NXPH2: variants seen among roughly 807,000 people sequenced by gnomAD.
NXPH2 encodes the protein neurexophilin 2.
Under a neutral mutation model 19.8 loss-of-function variants are expected in NXPH2, and 5 were observed. The observed-to-expected ratio is 0.25, with a 90% CI of 0.13 to 0.53. The LOEUF is 0.53. NXPH2 is among the 20% of genes least tolerant of loss of function. NXPH2 has a pLI of 0.96. For missense variants in NXPH2, 289 were observed against 322.8 expected, an observed-to-expected ratio of 0.90 and a Z score of 0.80; for synonymous variants, 154 against 127.4, an observed-to-expected ratio of 1.21 and a Z score of -1.41.
At chr2:138,733,135 T>G (rs919066174) in intron 1 of NXPH2, among the ~76,000 whole-genome samples, 2 of 151,448 alleles carry the variant, frequency 1.3e-5, no homozygotes, top group South Asian at 4.2e-4. Flanking sequence ...TTCTTGTACA[T>G]CCATCCCATA....
chr2:138,738,987 G>A (rs1354005894), intron 1 of NXPH2, among the ~76,000 whole-genome samples: 10 of 152,218 alleles, frequency 6.6e-5, no homozygotes, highest in East Asian at 1.9e-4. Flanking sequence ...AATAATTAAC[G>A]AAGTCCTGGG....
At chr2:138,760,199 T>C (rs571319249) in intron 1 of NXPH2, among the ~76,000 whole-genome samples, 1 of 152,152 alleles carries the variant, frequency 6.6e-6, no homozygotes, top group Non-Finnish European at 1.5e-5. Flanking sequence ...CAAATGTCCA[T>C]ATATACAGGG....
At chr2:138,730,222 T>A (rs1259596540) in intron 1 of NXPH2, among the ~76,000 whole-genome samples, 1 of 151,672 alleles carries the variant, frequency 6.6e-6, no homozygotes, top group Non-Finnish European at 1.5e-5. Flanking sequence ...AGAGACAAAG[T>A]TTTCCTCTGT....
At chr2:138,742,678 A>G (rs1208451951) in intron 1 of NXPH2, among the ~76,000 whole-genome samples, 1 of 152,224 alleles carries the variant, frequency 6.6e-6, no homozygotes, top group Non-Finnish European at 1.5e-5. Context: ...ATCCATTCCT[A>G]GCAAGCAGGC....
intron 1 of NXPH2, among the ~76,000 whole-genome samples, chr2:138,732,326 TG>T (rs1186128840): frequency 6.6e-6 from 1 of 152,188 alleles, no homozygotes; most frequent in Non-Finnish European, 1.5e-5. Context: ...GAAGCTCTCC[TG>T]GTAACTGGTC....
At chr2:138,741,177 G>T (rs995201015) in intron 1 of NXPH2, among the ~76,000 whole-genome samples, 1 of 152,146 alleles carries the variant, frequency 6.6e-6, no homozygotes, top group Non-Finnish European at 1.5e-5. Flanking sequence ...GATTCTCTAC[G>T]AATGCTGTTG....
chr2:138,714,776 G>A (rs1247300224), intron 1 of NXPH2, among the ~76,000 whole-genome samples: 1 of 152,142 alleles, frequency 6.6e-6, no homozygotes, highest in African/African-American at 2.4e-5. Context: ...AAGAACACAA[G>A]AGCAAAAAGT....
chr2:138,776,609 T>C (rs931025074), intron 1 of NXPH2, among the ~76,000 whole-genome samples: 2 of 137,724 alleles, frequency 1.5e-5, no homozygotes, highest in Non-Finnish European at 3.2e-5. Flanking sequence ...AACAATGATA[T>C]AGTGGTGTTT....
intron 1 of NXPH2, among the ~76,000 whole-genome samples, chr2:138,752,890 TA>T (rs1294735027): frequency 6.6e-6 from 1 of 152,206 alleles, no homozygotes; most frequent in Non-Finnish European, 1.5e-5. Flanking sequence ...GGGAGAGGAA[TA>T]CTACATAGAC....
At chr2:138,707,094 C>CAAA (rs70982073) in intron 1 of NXPH2, among the ~76,000 whole-genome samples, 359 of 34,834 alleles carry the variant, frequency 0.01, 27 homozygotes, top group Middle Eastern at 0.026. Context: ...TGCCCCATGA[C>CAAA]AAAAAAAAAA....
chr2:138,754,557 A>G (rs566373531), intron 1 of NXPH2, among the ~76,000 whole-genome samples: 3 of 152,282 alleles, frequency 2.0e-5, no homozygotes, highest in African/African-American at 7.2e-5. Context: ...TCATTGTATG[A>G]AGGTACCATG....
At chr2:138,677,327 T>C (rs1680499628) in intron 1 of NXPH2, among the ~76,000 whole-genome samples, 2 of 152,248 alleles carry the variant, frequency 1.3e-5, no homozygotes, top group African/African-American at 4.8e-5. Flanking sequence ...CTGTGCTTTA[T>C]CTGTTTGAAC....
intron 1 of NXPH2, among the ~76,000 whole-genome samples, chr2:138,745,021 G>T (rs2105008289): frequency 6.6e-6 from 1 of 152,288 alleles, no homozygotes; most frequent in South Asian, 2.1e-4. Context: ...AAAGGAAACA[G>T]CTGCAGCTGC....
At chr2:138,695,832 G>A (rs1431763584) in intron 1 of NXPH2, among the ~76,000 whole-genome samples, 21 of 152,092 alleles carry the variant, frequency 1.4e-4, no homozygotes, top group Admixed American at 1.3e-3. Context: ...GAATACTGTG[G>A]TAAGCAGATA....
chr2:138,778,180 T>C (rs1682295228), intron 1 of NXPH2, among the ~76,000 whole-genome samples: 1 of 152,242 alleles, frequency 6.6e-6, no homozygotes, highest in African/African-American at 2.4e-5. Flanking sequence ...ATGTGGAGAA[T>C]GTAAACAGCC....
chr2:138,761,726 T>C (rs1186016406), intron 1 of NXPH2, among the ~76,000 whole-genome samples: 2 of 152,238 alleles, frequency 1.3e-5, no homozygotes, highest in Non-Finnish European at 2.9e-5. Context: ...AAGTGGTTTT[T>C]CTGGCCCCTC....
chr2:138,688,444 T>C (rs34282057), intron 1 of NXPH2, among the ~76,000 whole-genome samples: 4,176 of 152,252 alleles, frequency 0.027, 149 homozygotes, highest in East Asian at 0.16. Context: ...AACCTCCGAA[T>C]GTGCTAGGAT....
At chr2:138,731,263 T>A (rs1019689348) in intron 1 of NXPH2, among the ~76,000 whole-genome samples, 2 of 152,142 alleles carry the variant, frequency 1.3e-5, no homozygotes, top group Non-Finnish European at 2.9e-5. Context: ...TGACTATGAG[T>A]TCAGTATTGC....
chr2:138,722,057 A>G (rs570326093), intron 1 of NXPH2, among the ~76,000 whole-genome samples: 36 of 152,346 alleles, frequency 2.4e-4, no homozygotes, highest in African/African-American at 8.2e-4. Context: ...AAGTAGGTAA[A>G]TTAATTTCTC....
Sources: gnomAD v4.1 joint callset for allele counts (sites outside exome capture counted in the v4.1 genomes callset) on GRCh38, gnomAD v4.1.1 for gene constraint, MANE v1.5 for transcripts, NCBI Gene and HGNC (gene_info 2026-07-23, HGNC 2026-07-21) for gene names.